Variants in DIS3 observed in about 807,000 individuals in gnomAD.
The protein encoded by DIS3 is DIS3 exosome endoribonuclease and 3'-5' exoribonuclease, also known as exosome complex exonuclease RRP44.
A neutral mutation model predicts 113.0 loss-of-function variants in DIS3; 103 were observed. The ratio of observed to expected loss-of-function variants is 0.91; its 90% CI spans 0.78 to 1.07. DIS3 has a LOEUF of 1.07. DIS3 is among the 50% of genes least tolerant of loss of function. The pLI is 0.00. For synonymous variants in DIS3, 402 were observed against 394.3 expected (o/e 1.02, Z -0.23); for missense variants, 1,121 against 1,167.1 (o/e 0.96, Z 0.58).
Position 72,759,626 on chromosome 13 carries a change from T to C in DIS3, c.*169A>G, listed in dbSNP as rs2033576438. Reference sequence around the variant, plus strand: ...TCTGTTCAACCCAGAAGTATAGTAGTATGATGGGTCAGATACAGTCAACTG... The same window carrying C: ...TCTGTTCAACCCAGAAGTATAGTAGCATGATGGGTCAGATACAGTCAACTG... On this transcript the variant is annotated 3_prime_UTR_variant, in exon 21 of 21. Coordinates refer to ENST00000377767, the MANE Select transcript of DIS3 (RefSeq NM_014953.5). The C allele has an allele frequency of 1.7e-6, 1 of 574,564 alleles. No individual in the cohort carries two copies. Among genetic ancestry groups the C allele is most frequent in the African/African-American group, 1.9e-5 (1 of 53,138 alleles). 35.6% of individuals were successfully genotyped at this position (574,564 alleles called of 1,614,324 possible). A position where few individuals can be genotyped will look rare whatever the true frequency, so the allele number is the denominator to read the frequency against.
chr13:72,766,958 A>G (rs1191064483), intron 14 of DIS3, among the ~76,000 whole-genome samples: 1 of 152,202 alleles, frequency 6.6e-6, no homozygotes, highest in East Asian at 1.9e-4. Context: ...TACTAAAAAG[A>G]GAATCTCAAA....
chr13:72,772,665 A>T, intron 9 of DIS3, 28 bp downstream of exon 9: 1 of 1,579,816 alleles, frequency 6.3e-7, no homozygotes, highest in Non-Finnish European at 8.6e-7. Flanking sequence ...ATAATTTATA[A>T]AGTCACTACA....
At chr13:72,769,058 A>G (rs1462691842) in intron 13 of DIS3, 146 bp from the exon 14 acceptor site, 4 of 517,702 alleles carry the variant, frequency 7.7e-6, no homozygotes, top group Admixed American at 3.6e-5. Flanking sequence ...CTATGATATT[A>G]TACTTCACAT....
rs1181505193 is a variant in DIS3, at chr13:72,766,053, A to G, written c.1889T>C (p.Leu630Ser). Residue 630 changes from leucine to serine, a missense_variant, in exon 15 of 21, where the codon TTG becomes TCG. Coordinates refer to ENST00000377767, the MANE Select transcript of DIS3 (RefSeq NM_014953.5). ...LKKRRIEKGALTLSSPEVRFH... is the reference protein window; with the variant it reads ...LKKRRIEKGASTLSSPEVRFH... ...TCGAACTTCAGGAGAGGATAGAGTC[A>G]AAGCCCTACATAAAAATTAAAGAGA... 6.2e-7 allele frequency: 1 copy of G among 1,604,206 alleles called. No homozygotes were observed. Among genetic ancestry groups the G allele is most frequent in the Admixed American group, 1.7e-5 (1 of 59,128 alleles).
At position 72,765,533 on chromosome 13, in the gene DIS3, T is replaced by C. The variant is rs187848408; in HGVS notation, c.1970+439A>G. ...AGAAGTGCACAACTTAGATCCCTCCTACACACAGTTCACAATAGGACTGGC... is the reference window on the plus strand; with the variant it reads ...AGAAGTGCACAACTTAGATCCCTCCCACACACAGTTCACAATAGGACTGGC... On this transcript the variant is annotated intron_variant, in intron 15 of 20. Transcript: ENST00000377767. Among the ~76,000 whole-genome samples, 55 of 152,282 alleles carry C rather than the reference T, an allele frequency of 3.6e-4. No individual in the cohort carries two copies. The East Asian group carries it at 8.9e-3, about 25-fold the overall frequency.
chr13:72,754,002 C>T lies in DIS3; in HGVS notation c.*5793G>A. 2 of 589,966 alleles carry T rather than the reference C, an allele frequency of 3.4e-6. No homozygotes were observed. Among genetic ancestry groups the T allele is most frequent in the East Asian group, 3.1e-5 (1 of 32,630 alleles). The allele number at this position is 589,966 out of a possible 1,614,324, so 36.5% of individuals were successfully genotyped here. ...TTGGTTACTCTGAATACACAAGTAT[C>T]TTACATACTACAAAGTGTGCAAAGG... On this transcript the variant is annotated 3_prime_UTR_variant, in exon 21 of 21. Coordinates refer to ENST00000377767, the MANE Select transcript of DIS3 (RefSeq NM_014953.5).
rs1208729394 is a variant in DIS3 at position 72,781,693 on chromosome 13, G to A, written c.140C>T (p.Ala47Val). 2 of 1,557,928 alleles carry A rather than the reference G, an allele frequency of 1.3e-6. No homozygotes were observed. Among genetic ancestry groups the A allele is most frequent in the Non-Finnish European group, 8.7e-7 (1 of 1,152,176 alleles). Reference protein sequence around the residue: ...AACGGAHEGPALEPQPQDPAS... With the variant: ...AACGGAHEGPVLEPQPQDPAS... Reference sequence around the variant, plus strand: ...CGGGTCCTGGGGCTGCGGCTCCAGGGCCGGCCCCTCGTGCGCCCCTCCACA... The same window carrying A: ...CGGGTCCTGGGGCTGCGGCTCCAGGACCGGCCCCTCGTGCGCCCCTCCACA... The change falls in exon 1 of 21, where the codon GCC (alanine) becomes GTC (valine). Residue 47 changes from alanine (A) to valine (V), a missense_variant. Around this residue, in one of 3 missense-constraint regions of DIS3, gnomAD observed 254 missense variants for 232.2 expected, o/e 1.09. Coordinates refer to ENST00000377767, the MANE Select transcript of DIS3 (RefSeq NM_014953.5).
chr13:72,763,623 G>T lies in DIS3; in HGVS notation c.1971-16C>A. On this transcript the variant is annotated splice_polypyrimidine_tract_variant and intron_variant, in intron 15 of 20. Coordinates refer to ENST00000377767, the MANE Select transcript of DIS3 (RefSeq NM_014953.5). The stretch of plus-strand genomic sequence containing the variant: ...ATTTGTTTCCCTGCCAATGGAAAAA[G>T]CATTAAACAAACAAAAAAGAGAATC... 6.3e-7 allele frequency: 1 copy of T among 1,599,192 alleles called. No homozygotes were observed. The highest frequency in any genetic ancestry group is 2.2e-5 in the East Asian group (1 of 44,718).
At chr13:72,771,190 A>G (rs781346395) in intron 11 of DIS3, 45 bp from the exon 12 acceptor site, 21 of 1,467,962 alleles carry the variant, frequency 1.4e-5, no homozygotes, top group Non-Finnish European at 2.0e-5. Context: ...AGCCATAACC[A>G]TACATTTATG....
At chr13:72,779,072 T>G (rs1439305843) in intron 2 of DIS3, among the ~76,000 whole-genome samples, 2 of 152,056 alleles carry the variant, frequency 1.3e-5, no homozygotes, top group Non-Finnish European at 2.9e-5. Flanking sequence ...TGATTTATAT[T>G]AATAGTTTTA....
rs1270178339 is a variant in DIS3 at position 72,772,685 on chromosome 13, C to T, written c.1386+8G>A. 2.5e-6 allele frequency: 4 copies of T among 1,596,392 alleles called. No homozygotes were observed. The Admixed American group carries it at 7.4e-5, about 29-fold the overall frequency. ...TTATAAAGTCACTACAAATTACTTT[C>T]AACTTACCTTTTCAGTAATGCTCCA... On this transcript the variant is annotated splice_region_variant and intron_variant, in intron 9 of 20. Coordinates refer to ENST00000377767, the MANE Select transcript of DIS3 (RefSeq NM_014953.5).
At position 72,759,889 on chromosome 13, in the gene DIS3, G is replaced by A; in HGVS notation, c.2794-11C>T. 1 of 1,597,968 alleles carries A rather than the reference G, an allele frequency of 6.3e-7. No homozygotes were observed. Among genetic ancestry groups the A allele is most frequent in the Middle Eastern group, 1.7e-4 (1 of 6,024 alleles). On this transcript the variant is annotated splice_polypyrimidine_tract_variant and intron_variant, in intron 20 of 20. Transcript: ENST00000377767. Reference sequence around the variant, plus strand: ...GCTTATTCCTGGTATCTAAAGTAATGCAAATGGGGGGAAATAAGGTGATTT... The same window carrying A: ...GCTTATTCCTGGTATCTAAAGTAATACAAATGGGGGGAAATAAGGTGATTT...
Position 72,774,050 on chromosome 13 carries a change from C to G in DIS3, c.997G>C (p.Ala333Pro). ...EEETERMLKT[A>P]VSEKMLKPTG... Reference sequence around the variant, plus strand: ...GGCTTCAACATTTTCTCGCTTACAGCAGTCTTAAGCTGAGATATAAAAATT... The same window carrying G: ...GGCTTCAACATTTTCTCGCTTACAGGAGTCTTAAGCTGAGATATAAAAATT... The change falls in exon 7 of 21, where the codon GCT becomes CCT. Residue 333 changes from alanine (A) to proline (P), a missense_variant. Ala to Pro is a conservative substitution (Grantham distance 27). This residue lies in a region of DIS3 where 861 missense variants were observed against 915.5 expected (regional missense o/e 0.94). Coordinates refer to ENST00000377767, the MANE Select transcript of DIS3 (RefSeq NM_014953.5). 1 of 1,589,510 alleles carries G rather than the reference C, an allele frequency of 6.3e-7. No homozygotes were observed. The highest frequency in any genetic ancestry group is 8.5e-7 in the Non-Finnish European group (1 of 1,171,504).
At position 72,781,594 on chromosome 13, in the gene DIS3, C is replaced by G; in HGVS notation, c.228+11G>C. ...GGGGCCGCGCTGTCCGCGGTTCGCC[C>G]GCCCACGCACCTGGTGCAGTAACAC... is the stretch of plus-strand genomic sequence containing the variant. On this transcript the variant is annotated intron_variant, in intron 1 of 20. Coordinates refer to ENST00000377767, the MANE Select transcript of DIS3 (RefSeq NM_014953.5). 1 of 1,491,960 alleles carries G rather than the reference C, an allele frequency of 6.7e-7. No homozygotes were observed. The highest frequency in any genetic ancestry group is 9.0e-7 in the Non-Finnish European group (1 of 1,117,148). 92.4% of individuals were successfully genotyped at this position (1,491,960 alleles called of 1,614,324 possible).
At chr13:72,764,467 T>C (rs906555589) in intron 15 of DIS3, among the ~76,000 whole-genome samples, 1 of 152,156 alleles carries the variant, frequency 6.6e-6, no homozygotes, top group Non-Finnish European at 1.5e-5. Flanking sequence ...AACTCTGTTT[T>C]ACAGATGAGA....
intron 14 of DIS3, among the ~76,000 whole-genome samples, chr13:72,766,638 A>C (rs1167280681): frequency 1.3e-5 from 2 of 152,204 alleles, no homozygotes; most frequent in Non-Finnish European, 2.9e-5. Context: ...TAAACAATCC[A>C]TGCTCAGGAC....
intron 2 of DIS3, among the ~76,000 whole-genome samples, chr13:72,780,069 T>C (rs2034117691): frequency 6.6e-6 from 1 of 152,066 alleles, no homozygotes; most frequent in African/African-American, 2.4e-5. Context: ...AGCTCATGCC[T>C]GTAATCCCAC....
chr13:72,772,592 G>A (rs1454826133), intron 9 of DIS3, 101 bp downstream of exon 9: 4 of 1,236,586 alleles, frequency 3.2e-6, no homozygotes, highest in African/African-American at 1.5e-5. Flanking sequence ...AGGAAAAGAG[G>A]GCCCGTGGTG....
At chr13:72,761,565 TTAAA>T (rs753981548) in intron 18 of DIS3, 44 bp from the exon 19 acceptor site, 2 of 1,525,904 alleles carry the variant, frequency 1.3e-6, no homozygotes, top group Admixed American at 4.5e-5. Flanking sequence ...TTAAAAATTT[TTAAA>T]TAAACAAAAA....
Sources: gnomAD v4.1 joint callset for allele counts (sites outside exome capture counted in the v4.1 genomes callset) on GRCh38, gnomAD v4.1.1 for gene constraint, gnomAD v4.1.1 regional missense constraint, MANE v1.5 for transcripts, NCBI Gene and HGNC (gene_info 2026-07-23, HGNC 2026-07-21) for gene names.